Variants in POM121L2 observed in about 807,000 individuals in gnomAD.
POM121L2 encodes POM121 transmembrane nucleoporin like 2.
For synonymous variants in POM121L2, 459 were observed against 483.8 expected, an observed-to-expected ratio of 0.95 and a Z score of 0.67; for missense variants, 1,167 against 1,260.3, an observed-to-expected ratio of 0.93 and a Z score of 1.12.
rs1201722427 is a variant in POM121L2 at position 27,311,849 on chromosome 6, G to A, written c.322C>T (p.Leu108Phe). 5 of 1,551,794 alleles carry A rather than the reference G, an allele frequency of 3.2e-6. No homozygotes were observed. The highest frequency in any genetic ancestry group is 4.4e-6 in the Non-Finnish European group (5 of 1,147,008). Residue 108 changes from leucine (L) to phenylalanine (F), a missense_variant, in exon 1 of 1, where the codon CTT (leucine) becomes TTT (phenylalanine). Transcript: ENST00000444565. ...CTCCAAATTGGCCTGGGATGTCGAA[G>A]AGACCAAATAGTCCGCTTTAAGTAA... is the stretch of plus-strand genomic sequence containing the variant. ...ESYLKRTIWS[L>F]RHPRPIWSPV...
Position 27,312,116 on chromosome 6 carries a change from G to A in POM121L2, c.55C>T (p.Arg19Cys), listed in dbSNP as rs1184626275. ...GTGGGCCTCTCGGGCAAGTCGGTGCGCACCTGGGCTGGGGACGAGGGCGAA... is the reference window on the plus strand; with the variant it reads ...GTGGGCCTCTCGGGCAAGTCGGTGCACACCTGGGCTGGGGACGAGGGCGAA... ...ELSPSSPAQV[R>C]TDLPERPTKR... Residue 19 changes from arginine to cysteine, a missense_variant, in exon 1 of 1, where the codon CGC (arginine) becomes TGC (cysteine). Physicochemically the swap from Arg to Cys is radical, Grantham distance 180 (BLOSUM62 -3). Coordinates refer to ENST00000444565, the MANE Select transcript of POM121L2 (RefSeq NM_033482.4). This position sits in a 1 kb window ranked among gnomAD's most constrained non-coding sequence, Gnocchi z 6.7. 9 of 1,466,254 alleles carry A rather than the reference G, an allele frequency of 6.1e-6. 1 individual carries two copies. In the South Asian group the frequency reaches 8.6e-5, roughly 14 times the overall value. The allele number at this position is 1,466,254 out of a possible 1,614,324, so 90.8% of individuals were successfully genotyped here.
At position 27,309,888 on chromosome 6, in the gene POM121L2, C is replaced by T. The variant is rs190530078; in HGVS notation, c.2283G>A (p.Arg761=). 1.3e-6 allele frequency: 2 copies of T among 1,551,740 alleles called. No homozygotes were observed. The highest frequency in any genetic ancestry group is 2.4e-5 in the East Asian group (1 of 40,916). The change falls in exon 1 of 1, where the codon AGG becomes AGA. Residue 761 remains arginine (R), a synonymous_variant. Coordinates refer to ENST00000444565, the MANE Select transcript of POM121L2 (RefSeq NM_033482.4). ...CTCCTTGGGATAGTGGGAAAGGTGG[C>T]CTTGAGCTTGATCCCAAGGGACTTG... The part of the protein sequence containing the change: ...AITSPLGSSS[R]PPFPLSQGAN...
Position 27,311,020 on chromosome 6 carries a change from G to C in POM121L2, c.1151C>G (p.Pro384Arg), listed in dbSNP as rs1189078230. 6.4e-7 allele frequency: 1 copy of C among 1,552,224 alleles called. No homozygotes were observed. The highest frequency in any genetic ancestry group is 8.7e-7 in the Non-Finnish European group (1 of 1,147,110). ...AGAAGGCAGAGCAAGAGACAAGGAA[G>C]GCTGAATAGCAAGCCAAGTCTCAGG... ...PFPETWLAIQ[P>R]SLSLALPSSE... The change falls in exon 1 of 1, where the codon CCT (proline) becomes CGT (arginine). Residue 384 changes from proline (P) to arginine (R), a missense_variant. Coordinates refer to ENST00000444565, the MANE Select transcript of POM121L2 (RefSeq NM_033482.4).
Position 27,312,251 on chromosome 6 carries a change from G to T in POM121L2, c.-81C>A. 2.3e-6 allele frequency: 2 copies of T among 870,922 alleles called. No homozygotes were observed. Among genetic ancestry groups the T allele is most frequent in the Non-Finnish European group, 3.4e-6 (2 of 595,070 alleles). The allele number at this position is 870,922 out of a possible 1,614,324, so 53.9% of individuals were successfully genotyped here. On this transcript the variant is annotated 5_prime_UTR_variant, in exon 1 of 1. Coordinates refer to ENST00000444565, the MANE Select transcript of POM121L2 (RefSeq NM_033482.4). The surrounding 1 kb of genome is among the most constrained non-coding windows in gnomAD (Gnocchi z 6.7). ...TCGGACGTCTGCAGAATCGGACAGA[G>T]TCGAAGAGCGCAGTGTTCGGTTGAC...
At position 27,310,330 on chromosome 6, in the gene POM121L2, T is replaced by C. The variant is rs1760727246; in HGVS notation, c.1841A>G (p.His614Arg). The change falls in exon 1 of 1, where the codon CAT becomes CGT. Residue 614 changes from histidine to arginine, a missense_variant. His to Arg is a conservative substitution (Grantham distance 29). Coordinates refer to ENST00000444565, the MANE Select transcript of POM121L2 (RefSeq NM_033482.4). ...CACAGAGGTGGCCTTGACCAGGCCA[T>C]GGAAATGATGGGTAGAAGCATGAGT... ...PFTHASTHHF[H>R]GLVKATSVVM... 3 of 1,552,048 alleles carry C rather than the reference T, an allele frequency of 1.9e-6. No homozygotes were observed. Among genetic ancestry groups the C allele is most frequent in the African/African-American group, 1.4e-5 (1 of 73,008 alleles).
Position 27,310,019 on chromosome 6 carries a change from T to C in POM121L2, c.2152A>G (p.Thr718Ala), listed in dbSNP as rs1173378948. Residue 718 changes from threonine (T) to alanine (A), a missense_variant, in exon 1 of 1, where the codon ACT becomes GCT. By Grantham distance (58) the Thr-to-Ala change is moderately conservative (BLOSUM62 0). Transcript: ENST00000444565. ...CTGCCCATACCCCTGAAATTAGCAG[T>C]GCTGCTTCTAGGGGATATCTGTACA... Reference protein sequence around the residue: ...SVVQISPRSSTANFRGMGSPL... With the variant: ...SVVQISPRSSAANFRGMGSPL... The C allele has an allele frequency of 6.4e-7, 1 of 1,552,134 alleles. No homozygotes were observed. Among genetic ancestry groups the C allele is most frequent in the South Asian group, 1.2e-5 (1 of 84,068 alleles).
rs142149892 is a variant in POM121L2, at chr6:27,311,676, C to G, written c.495G>C (p.Glu165Asp). ...SKETVLRALR[E>D]CRKGKGRLEE... is the part of the protein sequence containing the mutation. Reference sequence around the variant, plus strand: ...CCAACCTCCCTTTCCCTTTTCTGCACTCTCTGAGGGCCCTCAACACTGTCT... The same window carrying G: ...CCAACCTCCCTTTCCCTTTTCTGCAGTCTCTGAGGGCCCTCAACACTGTCT... Residue 165 changes from glutamate (E) to aspartate (D), a missense_variant, in exon 1 of 1, where the codon GAG (glutamate) becomes GAC (aspartate). Coordinates refer to ENST00000444565, the MANE Select transcript of POM121L2 (RefSeq NM_033482.4). 40 of 1,551,796 alleles carry G rather than the reference C, an allele frequency of 2.6e-5. No homozygotes were observed. The highest frequency in any genetic ancestry group is 3.4e-5 in the Non-Finnish European group (39 of 1,147,044).
Position 27,309,124 on chromosome 6 carries a change from G to T in POM121L2, c.216+1973C>A, listed in dbSNP as rs567553479. ...TTTCTCCCGATTCTTTGGGGTTTTT[G>T]ATTTTGCGCCAATGGAAAATGAAGA... On this transcript the variant is annotated intron_variant, in intron 1 of 1. Coordinates refer to the POM121L2 transcript ENST00000429945. 7.0e-5 allele frequency: 108 copies of T among 1,551,744 alleles called. No homozygotes were observed. In the South Asian group the frequency reaches 1.2e-3, roughly 17 times the overall value.
chr6:27,309,150 G>C lies in POM121L2; in HGVS notation c.3021C>G (p.Ala1007=), dbSNP rs1167468568. 6.4e-7 allele frequency: 1 copy of C among 1,551,806 alleles called. No homozygotes were observed. Among genetic ancestry groups the C allele is most frequent in the Non-Finnish European group, 8.7e-7 (1 of 1,147,024 alleles). ...SVGRGPFRSS[A]SSFSIGAKSK... is the part of the protein sequence containing the mutation. Reference sequence around the variant, plus strand: ...ATTTTGCGCCAATGGAAAATGAAGAGGCTGATGATCTAAAAGGTCCTCTCC... The same window carrying C: ...ATTTTGCGCCAATGGAAAATGAAGACGCTGATGATCTAAAAGGTCCTCTCC... Residue 1007 remains alanine (A), a synonymous_variant, in exon 1 of 1, where the codon GCC becomes GCG. Coordinates refer to ENST00000444565, the MANE Select transcript of POM121L2 (RefSeq NM_033482.4).
chr6:27,309,220 C>G lies in POM121L2; in HGVS notation c.2951G>C (p.Ser984Thr). The G allele has an allele frequency of 6.4e-7, 1 of 1,551,840 alleles. No individual in the cohort carries two copies. Among genetic ancestry groups the G allele is most frequent in the Non-Finnish European group, 8.7e-7 (1 of 1,147,040 alleles). ...PVPGQAKAGSSVGFGMPFPPA... is the reference protein window; with the variant it reads ...PVPGQAKAGSTVGFGMPFPPA... ...TGGAAAAGGCATCCCAAAGCCAACA[C>G]TGCTGCCTGCCTTAGCTTGTCCAGG... The change falls in exon 1 of 1, where the codon AGT becomes ACT. Residue 984 changes from serine (S) to threonine (T), a missense_variant. By Grantham distance (58) the Ser-to-Thr change is moderately conservative. Transcript: ENST00000444565.
rs1285673756 is a variant in POM121L2 at position 27,311,892 on chromosome 6, A to G, written c.279T>C (p.Pro93=). 6.4e-7 allele frequency: 1 copy of G among 1,551,620 alleles called. No individual in the cohort carries two copies. The highest frequency in any genetic ancestry group is 8.7e-7 in the Non-Finnish European group (1 of 1,147,008). The change falls in exon 1 of 1, where the codon CCT becomes CCC. Residue 93 remains proline (P), a synonymous_variant. Transcript: ENST00000444565. ...TTAAGTAACTTTCCCACCAGTCTGAAGGGAGAGGCCCCAGGGGGGAATTCT... is the reference window on the plus strand; with the variant it reads ...TTAAGTAACTTTCCCACCAGTCTGAGGGGAGAGGCCCCAGGGGGGAATTCT... ...KSQNSPLGPL[P]SDWWESYLKR...
Position 27,310,632 on chromosome 6 carries a change from A to G in POM121L2, c.1539T>C (p.Ser513=). 6.4e-7 allele frequency: 1 copy of G among 1,551,876 alleles called. No individual in the cohort carries two copies. The highest frequency in any genetic ancestry group is 8.7e-7 in the Non-Finnish European group (1 of 1,147,030). ...ATGCAGAAAGATGGGATGTTGGGCT[A>G]CTCACCATTCCAAGCAAAGTACTTT... ...TIQSTLLGMV[S]SPTSHLSASA... Residue 513 remains serine (S), a synonymous_variant, in exon 1 of 1, where the codon AGT becomes AGC. Transcript: ENST00000444565.
chr6:27,311,696 CTG>C, upstream of POM121L2: 1 of 1,551,914 alleles, frequency 6.4e-7, no homozygotes, highest in African/African-American at 1.4e-5. Flanking sequence ...GCCCTCAACA[CTG>C]TCTCCTTTGA....
In POM121L2 at chr6:27,310,880, C is replaced by T. The variant is rs1419871557; in HGVS notation, c.1291G>A (p.Ala431Thr). Residue 431 changes from alanine (A) to threonine (T), a missense_variant, in exon 1 of 1, where the codon GCC becomes ACC. Coordinates refer to ENST00000444565, the MANE Select transcript of POM121L2 (RefSeq NM_033482.4). ...PQSTGEATSVAHSPLKTPSLP... is the reference protein window; with the variant it reads ...PQSTGEATSVTHSPLKTPSLP... ...CTGGGTGTCTTCAAAGGAGAATGGGCCACACTGGTTGCCTCTCCCGTGGAC... is the reference window on the plus strand; with the variant it reads ...CTGGGTGTCTTCAAAGGAGAATGGGTCACACTGGTTGCCTCTCCCGTGGAC... 6.4e-7 allele frequency: 1 copy of T among 1,551,578 alleles called. No individual in the cohort carries two copies. Among genetic ancestry groups the T allele is most frequent in the South Asian group, 1.2e-5 (1 of 84,046 alleles).
Position 27,309,360 on chromosome 6 carries a change from T to A in POM121L2, c.2811A>T (p.Lys937Asn). ...GTTNTMIPFG[K>N]GWSQNTEGLP... ...GGCCTTCAGTGTTCTGGCTCCAGCCTTTTCCAAAGGGGATCATGGTGTTAG... is the reference window on the plus strand; with the variant it reads ...GGCCTTCAGTGTTCTGGCTCCAGCCATTTCCAAAGGGGATCATGGTGTTAG... The change falls in exon 1 of 1, where the codon AAA becomes AAT. Residue 937 changes from lysine to asparagine, a missense_variant. Transcript: ENST00000444565. 2 of 1,551,476 alleles carry A rather than the reference T, an allele frequency of 1.3e-6. No individual in the cohort carries two copies. The highest frequency in any genetic ancestry group is 1.7e-6 in the Non-Finnish European group (2 of 1,146,878).
In POM121L2 at chr6:27,309,794, G is replaced by A; in HGVS notation, c.2377C>T (p.Pro793Ser). ...KQGPSQPALM[P>S]SVSSSFLFGS... Reference sequence around the variant, plus strand: ...AAAAGAAAAGAACTACTGACACTTGGCATAAGGGCTGGCTGGGAAGGCCCT... The same window carrying A: ...AAAAGAAAAGAACTACTGACACTTGACATAAGGGCTGGCTGGGAAGGCCCT... The change falls in exon 1 of 1, where the codon CCA becomes TCA. Residue 793 changes from proline (P) to serine (S), a missense_variant. Coordinates refer to ENST00000444565, the MANE Select transcript of POM121L2 (RefSeq NM_033482.4). 6.4e-7 allele frequency: 1 copy of A among 1,551,746 alleles called. No homozygotes were observed. The highest frequency in any genetic ancestry group is 8.7e-7 in the Non-Finnish European group (1 of 1,147,008).
rs764521115 is a variant in POM121L2, at chr6:27,310,247, C to G, written c.1924G>C (p.Asp642His). 6.4e-7 allele frequency: 1 copy of G among 1,552,326 alleles called. No homozygotes were observed. ...CTGGTGACATTCACTACACCAAAATCCAAAGGTGGCTTAAAAACAGAGTCT... is the reference window on the plus strand; with the variant it reads ...CTGGTGACATTCACTACACCAAAATGCAAAGGTGGCTTAAAAACAGAGTCT... Reference protein sequence around the residue: ...SKDSVFKPPLDFGVVNVTSAV... With the variant: ...SKDSVFKPPLHFGVVNVTSAV... Residue 642 changes from aspartate (D) to histidine (H), a missense_variant, in exon 1 of 1, where the codon GAT (aspartate) becomes CAT (histidine). Transcript: ENST00000444565.
Position 27,310,157 on chromosome 6 carries a change from C to G in POM121L2, c.2014G>C (p.Ala672Pro), listed in dbSNP as rs200393466. The change falls in exon 1 of 1, where the codon GCC becomes CCC. Residue 672 changes from alanine to proline, a missense_variant. By Grantham distance (27) the Ala-to-Pro change is conservative. Coordinates refer to ENST00000444565, the MANE Select transcript of POM121L2 (RefSeq NM_033482.4). Reference sequence around the variant, plus strand: ...GCTGGGGTGAAGTCGGCCCTGAAGGCCTGAGCAGTCCCAAGCAGGAAAGTG... The same window carrying G: ...GCTGGGGTGAAGTCGGCCCTGAAGGGCTGAGCAGTCCCAAGCAGGAAAGTG... ...CDTFLLGTAQ[A>P]FRADFTPATG... 6.4e-7 allele frequency: 1 copy of G among 1,551,890 alleles called. No individual in the cohort carries two copies. Among genetic ancestry groups the G allele is most frequent in the South Asian group, 1.2e-5 (1 of 84,066 alleles).
In POM121L2 at chr6:27,310,108, TGTG is replaced by T; in HGVS notation, c.2060_2062del (p.Pro687del). 6.4e-7 allele frequency: 1 copy of T among 1,551,970 alleles called. No individual in the cohort carries two copies. The highest frequency in any genetic ancestry group is 8.7e-7 in the Non-Finnish European group (1 of 1,147,050). ...CACAGTAGGAATTGTAGGATGGTGG[TGTG>T]GTGGGAAAATGAATCCTGTGGCTGG... On this transcript the variant is annotated inframe_deletion, in exon 1 of 1. Transcript: ENST00000444565.
Sources: allele counts gnomAD v4.1 joint callset, GRCh38; gene constraint gnomAD v4.1.1; non-coding constraint Gnocchi (gnomAD v3.1); transcripts MANE v1.5; gene names NCBI Gene and HGNC (gene_info 2026-07-23, HGNC 2026-07-21).